Variants in DOCK2 observed in about 807,000 individuals in gnomAD.
The protein encoded by DOCK2 is dedicator of cytokinesis 2, also known as dedicator of cytokinesis protein 2.
A neutral mutation model predicts 248.9 loss-of-function variants in DOCK2; 87 were observed. The ratio of observed to expected loss-of-function variants is 0.35; its 90% confidence interval spans 0.29 to 0.42. The LOEUF is 0.42. Among genes scored for constraint, DOCK2 ranks in the 10% least tolerant of loss-of-function variants. The probability of loss-of-function intolerance (pLI) is 1.00; values close to 1 mark genes in which losing one functional copy is unlikely to be tolerated. For missense variants in DOCK2, 1,747 were observed against 2,300.2 expected, an observed-to-expected ratio of 0.76 and a Z score of 4.92; for synonymous variants, 805 against 821.6, an observed-to-expected ratio of 0.98 and a Z score of 0.35.
chr5:170,021,499 A>G (rs1420667236), intron 33 of DOCK2, among the ~76,000 whole-genome samples: 1 of 152,180 alleles, frequency 6.6e-6, no homozygotes, highest in Non-Finnish European at 1.5e-5. Context: ...GATGTTTGGC[A>G]GCCTCAGAGA....
chr5:169,956,630 A>G (rs1274997308), intron 27 of DOCK2, among the ~76,000 whole-genome samples: 2 of 152,220 alleles, frequency 1.3e-5, no homozygotes, highest in East Asian at 1.9e-4. Flanking sequence ...AAGAAAATAC[A>G]TTGACTCAAT....
intron 6 of DOCK2, among the ~76,000 whole-genome samples, chr5:169,678,234 T>A (rs913410563): frequency 1.4e-4 from 21 of 152,154 alleles, no homozygotes; most frequent in Non-Finnish European, 4.4e-5. Context: ...GCTTCTATAG[T>A]TTTTCTCAAG....
chr5:169,780,305 G>C (rs1270173519), intron 25 of DOCK2, among the ~76,000 whole-genome samples: 2 of 133,446 alleles, frequency 1.5e-5, no homozygotes, highest in Admixed American at 7.1e-5. Context: ...ATGTGTGTGT[G>C]TGTGTGTGTG....
chr5:169,817,302 C>T (rs1296358922), intron 26 of DOCK2, among the ~76,000 whole-genome samples: 1 of 152,214 alleles, frequency 6.6e-6, no homozygotes, highest in Non-Finnish European at 1.5e-5. Flanking sequence ...TTGAGACAAG[C>T]CTAACACTTT....
At chr5:169,663,976 A>G (rs954464604) in intron 2 of DOCK2, among the ~76,000 whole-genome samples, 2 of 152,112 alleles carry the variant, frequency 1.3e-5, no homozygotes, top group Admixed American at 6.6e-5. Flanking sequence ...CAGGCTGAAA[A>G]TTTTCCAAAC....
At chr5:170,015,113 T>C (rs1755469217) in intron 32 of DOCK2, among the ~76,000 whole-genome samples, 1 of 152,170 alleles carries the variant, frequency 6.6e-6, no homozygotes, top group African/African-American at 2.4e-5. Flanking sequence ...TGTCTTTTCA[T>C]ATTGCTTAAT....
At chr5:169,858,859 A>C (rs896066153) in intron 27 of DOCK2, among the ~76,000 whole-genome samples, 14 of 152,106 alleles carry the variant, frequency 9.2e-5, no homozygotes, top group Non-Finnish European at 1.6e-4. Context: ...TATTTTAAAA[A>C]AAACATTAGT....
chr5:170,026,982 G>T (rs1755939403), intron 33 of DOCK2, among the ~76,000 whole-genome samples: 1 of 152,126 alleles, frequency 6.6e-6, no homozygotes, highest in African/African-American at 2.4e-5. Flanking sequence ...TCATATGAAT[G>T]GGAAAGTGTC....
At chr5:169,864,224 C>T in intron 27 of DOCK2, 1 of 1,476,012 alleles carries the variant, frequency 6.8e-7, no homozygotes, top group East Asian at 2.5e-5. Flanking sequence ...GATTTCCCAT[C>T]TCAGGGAAGT....
intron 27 of DOCK2, among the ~76,000 whole-genome samples, chr5:169,876,261 C>A (rs1337608447): frequency 5.9e-5 from 9 of 152,238 alleles, no homozygotes; most frequent in African/African-American, 2.2e-4. Flanking sequence ...TGCAAAGTCC[C>A]TTTTGCCAAA....
chr5:169,844,324 C>A (rs1770175126), intron 27 of DOCK2, among the ~76,000 whole-genome samples: 1 of 152,186 alleles, frequency 6.6e-6, no homozygotes, highest in Non-Finnish European at 1.5e-5. Context: ...TCAGCACAAC[C>A]TCCCATCCCT....
chr5:169,993,937 T>C (rs141569899), intron 29 of DOCK2, among the ~76,000 whole-genome samples: 1 of 152,334 alleles, frequency 6.6e-6, no homozygotes, highest in African/African-American at 2.4e-5. Flanking sequence ...GCAAATGTGT[T>C]CTGTAAAGTC....
chr5:169,936,305 AG>A (rs948626395), intron 27 of DOCK2, among the ~76,000 whole-genome samples: 2 of 152,222 alleles, frequency 1.3e-5, no homozygotes, highest in African/African-American at 4.8e-5. Context: ...GCTAGGCTGC[AG>A]CAAGGGCAGT....
chr5:169,929,303 CCAA>C (rs1775627350), intron 27 of DOCK2, among the ~76,000 whole-genome samples: 1 of 152,180 alleles, frequency 6.6e-6, no homozygotes, highest in South Asian at 2.1e-4. Context: ...CCCATTGACA[CCAA>C]CAAGTTCATC....
At position 169,786,184 on chromosome 5, in the gene DOCK2, AAATT is replaced by A. The variant is rs1176529999; in HGVS notation, c.2555-16869_2555-16866del. On this transcript the variant is annotated intron_variant, in intron 25 of 51. Transcript: ENST00000520908. The stretch of plus-strand genomic sequence containing the variant: ...CTACTGCTAATGGAAGGGGCATACA[AAATT>A]AATTTCTACAGCACCTCATAAATTA... Among the ~76,000 whole-genome samples the A allele has an allele frequency of 3.9e-5, 6 of 152,194 alleles. No homozygotes were observed. In the East Asian group the frequency reaches 7.7e-4, roughly 20 times the overall value.
At chr5:169,985,700 T>A (rs913726537) in intron 28 of DOCK2, 128 bp from the exon 29 acceptor site, 1 of 565,176 alleles carries the variant, frequency 1.8e-6, no homozygotes, top group African/African-American at 1.9e-5. Context: ...TTTAATTTAG[T>A]TAATGAAAGG....
intron 2 of DOCK2, among the ~76,000 whole-genome samples, chr5:169,656,727 G>A (rs1758143653): frequency 6.6e-6 from 1 of 152,226 alleles, no homozygotes; most frequent in Non-Finnish European, 1.5e-5. Flanking sequence ...AAATCCAGAT[G>A]AGTATTTTTC....
In DOCK2 at chr5:169,741,982, T is replaced by A. The variant is rs536912980; in HGVS notation, c.2268-5414T>A. Among the ~76,000 whole-genome samples the A allele has an allele frequency of 1.3e-4, 20 of 151,870 alleles. No individual in the cohort carries two copies. The East Asian group carries it at 3.3e-3, about 25-fold the overall frequency. ...CCACCACCCTGCCCAGCTAATTTTT[T>A]AAATATTTTTTTTATAGTAGAGATG... is the stretch of plus-strand genomic sequence containing the variant. On this transcript the variant is annotated intron_variant, in intron 22 of 51. Transcript: ENST00000520908.
At chr5:169,951,596 A>G in intron 27 of DOCK2, among the ~76,000 whole-genome samples, 1 of 152,204 alleles carries the variant, frequency 6.6e-6, no homozygotes, top group East Asian at 1.9e-4. Flanking sequence ...CATTCAACAG[A>G]TAGTTATCAA....
Sources: gnomAD v4.1 joint callset for allele counts (sites outside exome capture counted in the v4.1 genomes callset) on GRCh38, gnomAD v4.1.1 for gene constraint, MANE v1.5 for transcripts, NCBI Gene and HGNC (gene_info 2026-07-23, HGNC 2026-07-21) for gene names.